Variants in EIF2AK2 observed in about 807,000 individuals in gnomAD.
EIF2AK2 encodes eukaryotic translation initiation factor 2 alpha kinase 2, also known as interferon-induced, double-stranded RNA-activated protein kinase.
EIF2AK2 carries 40 observed loss-of-function variants against 70.5 expected under a neutral mutation model. The ratio of observed to expected loss-of-function variants is 0.57; its 90% CI spans 0.44 to 0.74. The LOEUF is 0.74. Among genes scored for constraint, EIF2AK2 ranks in the 30% least tolerant of loss-of-function variants. EIF2AK2 has a pLI of 0.00. For synonymous variants in EIF2AK2, 198 were observed against 220.9 expected, an observed-to-expected ratio of 0.90 and a Z score of 0.92; for missense variants, 555 against 644.3, an observed-to-expected ratio of 0.86 and a Z score of 1.50.
At chr2:37,135,397 A>G in intron 10 of EIF2AK2, 87 bp downstream of exon 10, 2 of 1,050,754 alleles carry the variant, frequency 1.9e-6, no homozygotes, top group Non-Finnish European at 2.8e-6. Flanking sequence ...TTTAACTGAC[A>G]GGATCATGGC....
Position 37,148,963 on chromosome 2 carries a change from A to C in EIF2AK2, c.-123T>G. On this transcript the variant is annotated 5_prime_UTR_variant, in exon 2 of 17. It removes the in-frame stop codon of an upstream open reading frame in the 5' UTR. Coordinates refer to ENST00000233057, the MANE Select transcript of EIF2AK2 (RefSeq NM_001135651.3). ...ACCTGAGTCAGATGGAAGAACTGCTAAAGTTTTGAGGTCATTACAATTTAC... is the reference window on the plus strand; with the variant it reads ...ACCTGAGTCAGATGGAAGAACTGCTCAAGTTTTGAGGTCATTACAATTTAC... 1 of 831,270 alleles carries C rather than the reference A, an allele frequency of 1.2e-6. No individual in the cohort carries two copies. Among genetic ancestry groups the C allele is most frequent in the Admixed American group, 1.7e-5 (1 of 59,040 alleles). 51.5% of individuals were successfully genotyped at this position (831,270 alleles called of 1,614,324 possible).
chr2:37,142,183 T>A (rs1398239586), intron 4 of EIF2AK2, among the ~76,000 whole-genome samples: 1 of 152,156 alleles, frequency 6.6e-6, no homozygotes, highest in Non-Finnish European at 1.5e-5. Context: ...CAGGCTAGAG[T>A]GCAGTGGTGC....
At chr2:37,107,638 A>G in intron 15 of EIF2AK2, 111 bp from the exon 16 acceptor site, 1 of 1,266,770 alleles carries the variant, frequency 7.9e-7, no homozygotes, top group Non-Finnish European at 1.1e-6. Context: ...ATTTTTTGGG[A>G]AAGTCTCTTT....
Position 37,137,093 on chromosome 2 carries a change from G to T in EIF2AK2, c.688-76C>A, listed in dbSNP as rs1054709548. 1.4e-5 allele frequency: 19 copies of T among 1,323,278 alleles called. No homozygotes were observed. In the Admixed American group the frequency reaches 4.6e-4, roughly 32 times the overall value. The allele number at this position is 1,323,278 out of a possible 1,614,324, so 82.0% of individuals were successfully genotyped here. A position where few individuals can be genotyped will look rare whatever the true frequency, so the allele number is the denominator to read the frequency against. ...TTCCTTTCCCGTTTTCCTTCCTCCT[G>T]TATATCTAGATGGCTCTCTGACCAA... is the stretch of plus-strand genomic sequence containing the variant. On this transcript the variant is annotated intron_variant, in intron 8 of 16. Coordinates refer to ENST00000233057, the MANE Select transcript of EIF2AK2 (RefSeq NM_001135651.3).
intron 1 of EIF2AK2, among the ~76,000 whole-genome samples, chr2:37,152,748 T>G (rs1279207386): frequency 6.6e-6 from 1 of 152,252 alleles, no homozygotes. Flanking sequence ...ATATTCCTTA[T>G]GAACCGCTCT....
At chr2:37,131,309 G>C (rs1213927655) in intron 10 of EIF2AK2, among the ~76,000 whole-genome samples, 1 of 152,108 alleles carries the variant, frequency 6.6e-6, no homozygotes, top group East Asian at 1.9e-4. Context: ...CCAATCCATG[G>C]GAGATTCCCT....
chr2:37,146,832 G>C (rs758689678), intron 4 of EIF2AK2, 21 bp downstream of exon 4: 7 of 1,471,164 alleles, frequency 4.8e-6, no homozygotes, highest in Non-Finnish European at 5.4e-6. Context: ...CCATTTATTA[G>C]GAAAAAAGGC....
At position 37,102,919 on chromosome 2, in the gene EIF2AK2, AAAT is replaced by A. The variant is rs200902116; in HGVS notation, c.*4351_*4353del. On this transcript the variant is annotated 3_prime_UTR_variant, in exon 17 of 17. Transcript: ENST00000233057. Reference sequence around the variant, plus strand: ...ATTTATGTTAAACATGTACGTATTTAAATAACATGTGGTTTAGTGATAAAAATT... The same window carrying A: ...ATTTATGTTAAACATGTACGTATTTAAACATGTGGTTTAGTGATAAAAATT... 5.9e-3 allele frequency: 897 copies of A among 152,244 alleles called. 8 individuals are homozygous for A. Among genetic ancestry groups the A allele is most frequent in the African/African-American group, 0.021 (861 of 41,554 alleles). The allele number at this position is 152,244 out of a possible 1,614,324, so 9.4% of individuals were successfully genotyped here.
At chr2:37,134,423 C>A (rs975767830) in intron 10 of EIF2AK2, among the ~76,000 whole-genome samples, 1 of 152,212 alleles carries the variant, frequency 6.6e-6, no homozygotes, top group Non-Finnish European at 1.5e-5. Flanking sequence ...GACCATCAAA[C>A]TAACCGAGTT....
In EIF2AK2 at chr2:37,135,531, T is replaced by C. The variant is rs781111490; in HGVS notation, c.738A>G (p.Arg246=). The C allele has an allele frequency of 1.9e-6, 3 of 1,610,714 alleles. No homozygotes were observed. The highest frequency in any genetic ancestry group is 3.3e-4 in the Middle Eastern group (2 of 6,044). The change falls in exon 10 of 17, where the codon AGA becomes AGG. Residue 246 remains arginine, a synonymous_variant. Coordinates refer to ENST00000233057, the MANE Select transcript of EIF2AK2 (RefSeq NM_001135651.3). The stretch of plus-strand genomic sequence containing the variant: ...TTTCTTTCATGTCAGGAAGGTCAAA[T>C]CTGGGTGCCAAAGATCTAAAAATTA... The part of the protein sequence containing the change: ...QRKAKRSLAP[R]FDLPDMKETK...
chr2:37,129,985 T>C (rs1018172300), intron 10 of EIF2AK2, among the ~76,000 whole-genome samples: 8 of 152,220 alleles, frequency 5.3e-5, no homozygotes, highest in African/African-American at 1.7e-4. Context: ...CCCACCATTC[T>C]CCAATTCAAA....
intron 12 of EIF2AK2, 68 bp from the exon 13 acceptor site, chr2:37,120,207 C>G: frequency 9.5e-7 from 1 of 1,053,070 alleles, no homozygotes; most frequent in East Asian, 3.4e-5. Flanking sequence ...TTTTTTATAA[C>G]TTTTTAAAGT....
Position 37,111,198 on chromosome 2 carries a change from T to C in EIF2AK2, c.1378-1903A>G, listed in dbSNP as rs189320911. On this transcript the variant is annotated intron_variant, in intron 14 of 16. Transcript: ENST00000233057. ...GGTGTAAAGTTTCAGTTTTGCAAAATGAAAAGTAATCTGTGGATGTATGGT... is the reference window on the plus strand; with the variant it reads ...GGTGTAAAGTTTCAGTTTTGCAAAACGAAAAGTAATCTGTGGATGTATGGT... 3.3e-3 allele frequency among the ~76,000 whole-genome samples: 496 copies of C among 152,150 alleles called. 4 individuals are homozygous for C. The highest frequency in any genetic ancestry group is 0.021 in the Admixed American group (317 of 15,284).
intron 4 of EIF2AK2, among the ~76,000 whole-genome samples, chr2:37,142,449 T>C (rs998873902): frequency 3.3e-5 from 5 of 152,158 alleles, no homozygotes; most frequent in African/African-American, 1.2e-4. Context: ...TGCTATTTTA[T>C]TAATCTTGTC....
rs950153234 is a variant in EIF2AK2, at chr2:37,148,931, G to T, written c.-91C>A. 6 of 821,008 alleles carry T rather than the reference G, an allele frequency of 7.3e-6. No individual in the cohort carries two copies. The highest frequency in any genetic ancestry group is 1.3e-5 in the Non-Finnish European group (6 of 456,058). 50.9% of individuals were successfully genotyped at this position (821,008 alleles called of 1,614,324 possible). Reference sequence around the variant, plus strand: ...GATGTTGATTCTGAAGACCGCCAGAGAAGCAAACCTGAGTCAGATGGAAGA... The same window carrying T: ...GATGTTGATTCTGAAGACCGCCAGATAAGCAAACCTGAGTCAGATGGAAGA... On this transcript the variant is annotated 5_prime_UTR_variant, in exon 2 of 17. Coordinates refer to ENST00000233057, the MANE Select transcript of EIF2AK2 (RefSeq NM_001135651.3).
At chr2:37,133,474 C>A (rs1392706504) in intron 10 of EIF2AK2, among the ~76,000 whole-genome samples, 1 of 152,146 alleles carries the variant, frequency 6.6e-6, no homozygotes, top group South Asian at 2.1e-4. Context: ...GCCCTACCCC[C>A]AATTCCCCCC....
At chr2:37,123,793 C>T (rs1477453823) in intron 11 of EIF2AK2, among the ~76,000 whole-genome samples, 3 of 152,046 alleles carry the variant, frequency 2.0e-5, no homozygotes, top group Admixed American at 2.0e-4. Flanking sequence ...GTTGCCAAGA[C>T]CTAAGAAAAT....
At chr2:37,134,221 A>G (rs1232841601) in intron 10 of EIF2AK2, among the ~76,000 whole-genome samples, 2 of 152,152 alleles carry the variant, frequency 1.3e-5, no homozygotes, top group Non-Finnish European at 2.9e-5. Flanking sequence ...AGGCCAACAC[A>G]TTATTTCAAA....
At chr2:37,135,911 G>A (rs1293273703) in intron 9 of EIF2AK2, among the ~76,000 whole-genome samples, 1 of 152,186 alleles carries the variant, frequency 6.6e-6, no homozygotes, top group Non-Finnish European at 1.5e-5. Context: ...GGGATCACAG[G>A]CGCAAGCCAC....
Sources: allele counts gnomAD v4.1 joint callset (sites outside exome capture counted in the v4.1 genomes callset), GRCh38; gene constraint gnomAD v4.1.1; transcripts MANE v1.5; gene names NCBI Gene and HGNC (gene_info 2026-07-23, HGNC 2026-07-21).